The following ASIC2 variants were observed in gnomAD, a reference collection of about 807,000 sequenced individuals.
ASIC2 encodes acid sensing ion channel subunit 2.
In ASIC2, 25 loss-of-function variants were observed where a neutral mutation model predicts 57.3. The observed-to-expected ratio is 0.44, with a 90% CI of 0.32 to 0.61. The LOEUF (loss-of-function observed/expected upper bound fraction) is 0.61, where lower values mean the gene tolerates loss of function less well. Ranked by LOEUF, ASIC2 falls within the 20% of genes least tolerant of loss-of-function variation. The probability of loss-of-function intolerance (pLI) is 0.06; values close to 1 mark genes in which losing one functional copy is unlikely to be tolerated. For missense variants in ASIC2, 641 were observed against 738.1 expected (o/e 0.87, Z 1.52); for synonymous variants, 319 against 307.5 (o/e 1.04, Z -0.39).
intron 3 of ASIC2, among the ~76,000 whole-genome samples, chr17:33,081,167 G>C (rs1012073001): frequency 1.3e-5 from 2 of 152,144 alleles, no homozygotes; most frequent in Admixed American, 1.3e-4. Context: ...GCAATTCTTT[G>C]AAGAATCCTT....
intron 1 of ASIC2, among the ~76,000 whole-genome samples, chr17:34,111,552 C>T (rs913626104): frequency 4.6e-5 from 7 of 152,114 alleles, no homozygotes; most frequent in Non-Finnish European, 7.4e-5. Flanking sequence ...CTATTCTGAG[C>T]TAGGCACGTT....
chr17:33,681,556 T>C (rs1908001887), intron 1 of ASIC2, among the ~76,000 whole-genome samples: 1 of 152,236 alleles, frequency 6.6e-6, no homozygotes, highest in Non-Finnish European at 1.5e-5. Flanking sequence ...ATTTCAAAGA[T>C]TCCCCATAAT....
At chr17:33,387,611 G>C (rs1909733336) in intron 1 of ASIC2, among the ~76,000 whole-genome samples, 1 of 152,220 alleles carries the variant, frequency 6.6e-6, no homozygotes, top group Non-Finnish European at 1.5e-5. Context: ...TCAGATCAGA[G>C]TCTCTGGAAC....
At chr17:34,044,546 T>C (rs1908266592) in intron 1 of ASIC2, among the ~76,000 whole-genome samples, 1 of 152,150 alleles carries the variant, frequency 6.6e-6, no homozygotes, top group Non-Finnish European at 1.5e-5. Flanking sequence ...TTAATCTCAA[T>C]TTCTGCAGCT....
intron 1 of ASIC2, chr17:34,040,012 C>G (rs917912513): frequency 2.2e-5 from 12 of 544,898 alleles, no homozygotes; most frequent in East Asian, 7.9e-5. Context: ...CGCAACCCCC[C>G]GCCCGGGCAG....
chr17:34,059,229 A>AC (rs751101791), intron 1 of ASIC2, among the ~76,000 whole-genome samples: 1 of 151,842 alleles, frequency 6.6e-6, no homozygotes, highest in Non-Finnish European at 1.5e-5. Context: ...CCAAACACAC[A>AC]CCCCCACTGG....
intron 1 of ASIC2, among the ~76,000 whole-genome samples, chr17:33,430,783 A>T (rs1345440981): frequency 1.3e-5 from 2 of 152,246 alleles, no homozygotes; most frequent in African/African-American, 4.8e-5. Flanking sequence ...AAAACTGTAC[A>T]TAGATTAGAT....
At chr17:33,606,521 A>G (rs1221071064) in intron 1 of ASIC2, among the ~76,000 whole-genome samples, 1 of 152,206 alleles carries the variant, frequency 6.6e-6, no homozygotes, top group African/African-American at 2.4e-5. Flanking sequence ...AAGTCTTTAA[A>G]GATGCCCCCT....
intron 2 of ASIC2, among the ~76,000 whole-genome samples, chr17:33,108,065 G>A (rs146217841): frequency 1.4e-4 from 22 of 152,264 alleles, no homozygotes; most frequent in African/African-American, 3.6e-4. Context: ...GAGAACTCTC[G>A]TTTGAGCCCT....
intron 1 of ASIC2, among the ~76,000 whole-genome samples, chr17:33,387,585 G>A (rs982551912): frequency 6.6e-6 from 1 of 152,176 alleles, no homozygotes; most frequent in African/African-American, 2.4e-5. Context: ...CCCACTTTCC[G>A]CTGCCCCGAA....
intron 2 of ASIC2, among the ~76,000 whole-genome samples, chr17:33,103,732 T>G (rs1237201895): frequency 6.6e-6 from 1 of 152,106 alleles, no homozygotes; most frequent in Non-Finnish European, 1.5e-5. Context: ...TGGGGTAAAT[T>G]AGTCTGGCTG....
intron 1 of ASIC2, chr17:33,834,211 A>G (rs964525364): frequency 3.3e-5 from 5 of 150,726 alleles, no homozygotes; most frequent in African/African-American, 1.2e-4. Flanking sequence ...CTCAGATGTC[A>G]ATCATTATCT....
intron 1 of ASIC2, among the ~76,000 whole-genome samples, chr17:33,741,490 T>A (rs1197813980): frequency 6.6e-6 from 1 of 152,194 alleles, no homozygotes; most frequent in Non-Finnish European, 1.5e-5. Context: ...CCTGCTGGAC[T>A]GCAGAAGTCA....
chr17:34,053,110 G>A (rs1011486497), intron 1 of ASIC2, among the ~76,000 whole-genome samples: 6 of 152,020 alleles, frequency 3.9e-5, no homozygotes, highest in African/African-American at 1.5e-4. Context: ...CTCCCTTCAT[G>A]TTCCAACCAC....
intron 1 of ASIC2, among the ~76,000 whole-genome samples, chr17:33,194,694 G>C (rs1906558762): frequency 1.1e-5 from 1 of 93,710 alleles, no homozygotes; most frequent in South Asian, 3.4e-4. Context: ...GTTATTCCCA[G>C]ATTGGGAATC....
chr17:33,703,477 C>T (rs1313568735), intron 1 of ASIC2, among the ~76,000 whole-genome samples: 2 of 151,912 alleles, frequency 1.3e-5, no homozygotes, highest in African/African-American at 4.8e-5. Flanking sequence ...CTCAGCTTTC[C>T]GAATAGCTGG....
At chr17:33,434,716 A>G (rs1357585430) in intron 1 of ASIC2, among the ~76,000 whole-genome samples, 1 of 152,228 alleles carries the variant, frequency 6.6e-6, no homozygotes, top group African/African-American at 2.4e-5. Flanking sequence ...GATAAGCAAA[A>G]TAACCAAAGA....
At chr17:33,018,403 G>A (rs998681199) in intron 7 of ASIC2, among the ~76,000 whole-genome samples, 3 of 152,222 alleles carry the variant, frequency 2.0e-5, no homozygotes, top group Non-Finnish European at 2.9e-5. Context: ...TTAAGTTCCC[G>A]CTGGGGGTAA....
intron 1 of ASIC2, among the ~76,000 whole-genome samples, chr17:34,141,855 T>C (rs565662851): frequency 2.6e-5 from 4 of 152,324 alleles, no homozygotes; most frequent in Admixed American, 6.5e-5. Context: ...CAAGAAATGG[T>C]GTTCTTGCCT....
Sources: allele counts gnomAD v4.1 joint callset (sites outside exome capture counted in the v4.1 genomes callset), GRCh38; gene constraint gnomAD v4.1.1; transcripts MANE v1.5; gene names NCBI Gene and HGNC (gene_info 2026-07-23, HGNC 2026-07-21).